The following FAAP100 variants were observed in gnomAD, a reference collection of about 807,000 sequenced individuals.
The protein encoded by FAAP100 is Fanconi anemia core complex-associated protein 100.
In FAAP100, 46 loss-of-function variants were observed where a neutral mutation model predicts 65.8. That is an observed-to-expected ratio of 0.70 (90% CI 0.55 to 0.89). The LOEUF is 0.89. FAAP100 is among the 40% of genes least tolerant of loss of function. The pLI, the probability that FAAP100 is intolerant of heterozygous loss-of-function variation, is 0.00. For synonymous variants in FAAP100, 663 were observed against 555.1 expected, an observed-to-expected ratio of 1.19 and a Z score of -2.73; for missense variants, 1,165 against 1,196.7, an observed-to-expected ratio of 0.97 and a Z score of 0.39.
intron 7 of FAAP100, among the ~76,000 whole-genome samples, chr17:81,542,180 AAAAAAAAAAAAAAAAAAAAAATATATAT>A (rs1266362612): frequency 1.5e-4 from 4 of 26,862 alleles, no homozygotes; most frequent in Admixed American, 1.2e-3. Flanking sequence ...AAAAAAAAAA[AAAAAAAAAAAAAAAAAAAAAATATATAT>A]ATATATATAT....
At chr17:81,544,223 T>C in intron 6 of FAAP100, 103 bp from the exon 7 acceptor site, 3 of 915,162 alleles carry the variant, frequency 3.3e-6, no homozygotes, top group Non-Finnish European at 5.2e-6. Context: ...CGTGAGGCCC[T>C]GAGATGGTCC....
At position 81,547,980 on chromosome 17, in the gene FAAP100, G is replaced by A. The variant is rs150992130; in HGVS notation, c.1404-302C>T. 3.3e-3 allele frequency: 2,346 copies of A among 703,062 alleles called. 10 individuals are homozygous for A. The highest frequency in any genetic ancestry group is 4.6e-3 in the Non-Finnish European group (1,760 of 385,206). 43.6% of individuals were successfully genotyped at this position (703,062 alleles called of 1,614,324 possible). On this transcript the variant is annotated intron_variant, in intron 4 of 8. Coordinates refer to ENST00000327787, the MANE Select transcript of FAAP100 (RefSeq NM_025161.6). ...GGACCTAGGCTAATCTGCCAGGTAT[G>A]AGAAGCGCACCACCCACATCTGGGC...
intron 4 of FAAP100, chr17:81,548,029 T>C (rs1211224624): frequency 4.3e-6 from 3 of 690,552 alleles, no homozygotes; most frequent in South Asian, 3.0e-5. Flanking sequence ...GGTGGTGCAT[T>C]ACCCCACCCT....
intron 6 of FAAP100, among the ~76,000 whole-genome samples, chr17:81,544,699 C>A (rs529958142): frequency 6.6e-6 from 1 of 152,344 alleles, no homozygotes; most frequent in East Asian, 1.9e-4. Flanking sequence ...GCACACACAG[C>A]ACAAGAGGTG....
intron 3 of FAAP100, 35 bp from the exon 4 acceptor site, chr17:81,549,397 C>G: frequency 2.5e-6 from 4 of 1,577,768 alleles, no homozygotes; most frequent in Non-Finnish European, 3.4e-6. Flanking sequence ...TGGTCAGCGG[C>G]TGGGAGGGGC....
In FAAP100 at chr17:81,547,221, C is replaced by T; in HGVS notation, c.1861G>A (p.Asp621Asn). The part of the protein sequence containing the change: ...GGALAPSDSE[D>N]PFLDECPSDV... ...GAGGGGCACTCATCCAGAAAGGGGT[C>T]CTCAGAGTCTGAGGGGGCAAGGGCC... The change falls in exon 5 of 9, where the codon GAC becomes AAC. Residue 621 changes from aspartate (D) to asparagine (N), a missense_variant. By Grantham distance (23) the Asp-to-Asn change is conservative. Transcript: ENST00000327787. 1 of 1,573,760 alleles carries T rather than the reference C, an allele frequency of 6.4e-7. No individual in the cohort carries two copies. Among genetic ancestry groups the T allele is most frequent in the Non-Finnish European group, 8.6e-7 (1 of 1,157,226 alleles).
Position 81,540,074 on chromosome 17 carries a change from C to G in FAAP100, c.*745G>C, listed in dbSNP as rs969623726. 3 of 340,898 alleles carry G rather than the reference C, an allele frequency of 8.8e-6. No homozygotes were observed. The highest frequency in any genetic ancestry group is 1.9e-4 in the South Asian group (1 of 5,404). The allele number at this position is 340,898 out of a possible 1,614,324, so 21.1% of individuals were successfully genotyped here. A position where few individuals can be genotyped will look rare whatever the true frequency, so the allele number is the denominator to read the frequency against. ...GAGGCTGGGGGCTGGGGCTCAGGGC[C>G]CCCCCCCGGGCCACAGCGCCACCCT... On this transcript the variant is annotated 3_prime_UTR_variant, in exon 9 of 9. Coordinates refer to ENST00000327787, the MANE Select transcript of FAAP100 (RefSeq NM_025161.6).
rs1266513988 is a variant in FAAP100, at chr17:81,540,912, G to C, written c.2553C>G (p.Leu851=). The C allele has an allele frequency of 3.1e-6, 5 of 1,591,898 alleles. No individual in the cohort carries two copies. The highest frequency in any genetic ancestry group is 1.3e-5 in the African/African-American group (1 of 74,730). Residue 851 remains leucine (L), a synonymous_variant, in exon 9 of 9, where the codon CTC becomes CTG. Transcript: ENST00000327787. ...AGGAGCTGGCCTCATCCTCCGTGCA[G>C]AGCCGGTCGCGCAGGGTCTGCACCT... ...LREVQTLRDR[L]CTEDEASSCA...
intron 2 of FAAP100, chr17:81,551,633 C>T (rs1158139475): frequency 2.5e-6 from 3 of 1,223,790 alleles, no homozygotes; most frequent in African/African-American, 1.6e-5. Context: ...AAAGACCCAA[C>T]CTCGGGGGCG....
chr17:81,550,779 G>A lies in FAAP100; in HGVS notation c.715C>T (p.Pro239Ser), dbSNP rs1417642936. 1.9e-6 allele frequency: 3 copies of A among 1,612,654 alleles called. No homozygotes were observed. Among genetic ancestry groups the A allele is most frequent in the Non-Finnish European group, 2.5e-6 (3 of 1,179,896 alleles). ...TCAGGGAGACCACAGAGGACCACAG[G>A]TGACTGCAGGAGGGTGGCATCAGCT... ...FGADATLLQS[P>S]VVLCGLPDGQ... The change falls in exon 3 of 9, where the codon CCT becomes TCT. Residue 239 changes from proline (P) to serine (S), a missense_variant. Pro to Ser is a moderately conservative substitution (Grantham distance 74). Coordinates refer to ENST00000327787, the MANE Select transcript of FAAP100 (RefSeq NM_025161.6).
At chr17:81,544,700 A>C (rs1281262922) in intron 6 of FAAP100, among the ~76,000 whole-genome samples, 1 of 152,220 alleles carries the variant, frequency 6.6e-6, no homozygotes, top group Non-Finnish European at 1.5e-5. Flanking sequence ...CACACACAGC[A>C]CAAGAGGTGA....
chr17:81,544,183 G>A, intron 6 of FAAP100, 63 bp from the exon 7 acceptor site: 2 of 1,380,490 alleles, frequency 1.4e-6, no homozygotes, highest in East Asian at 2.3e-5. Flanking sequence ...GGGGGCTCAG[G>A]CTACACAGGA....
In FAAP100 at chr17:81,540,186, G is replaced by C. The variant is rs755052620; in HGVS notation, c.*633C>G. 5.5e-5 allele frequency: 22 copies of C among 399,042 alleles called. No individual in the cohort carries two copies. The highest frequency in any genetic ancestry group is 1.3e-4 in the Admixed American group (3 of 22,750). The allele number at this position is 399,042 out of a possible 1,614,324, so 24.7% of individuals were successfully genotyped here. ...TGAGCATTCCGGCCACAGGCCACCCGCTGGCCCTTCCTTGGTGTGGCACGA... is the reference window on the plus strand; with the variant it reads ...TGAGCATTCCGGCCACAGGCCACCCCCTGGCCCTTCCTTGGTGTGGCACGA... On this transcript the variant is annotated 3_prime_UTR_variant, in exon 9 of 9. Transcript: ENST00000327787.
At chr17:81,549,996 G>A (rs961556087) in intron 3 of FAAP100, among the ~76,000 whole-genome samples, 12 of 152,178 alleles carry the variant, frequency 7.9e-5, no homozygotes, top group Admixed American at 2.6e-4. Flanking sequence ...TCCACAGCCA[G>A]CAAGCAGCAA....
chr17:81,541,263 C>T lies in FAAP100; in HGVS notation c.2514+46G>A, dbSNP rs762099126. ...GAGGGGGGCCTGGCGATGGGCGCTCCTGGCTACCCAGGGGAAGGGGACTGC... is the reference window on the plus strand; with the variant it reads ...GAGGGGGGCCTGGCGATGGGCGCTCTTGGCTACCCAGGGGAAGGGGACTGC... On this transcript the variant is annotated intron_variant, in intron 8 of 8. Coordinates refer to ENST00000327787, the MANE Select transcript of FAAP100 (RefSeq NM_025161.6). The T allele has an allele frequency of 5.1e-6, 8 of 1,556,708 alleles. No homozygotes were observed. In the South Asian group the frequency reaches 9.1e-5, roughly 18 times the overall value.
chr17:81,543,371 T>C (rs140807497), intron 7 of FAAP100, among the ~76,000 whole-genome samples: 11 of 152,220 alleles, frequency 7.2e-5, no homozygotes, highest in East Asian at 1.9e-4. Flanking sequence ...AGACCCACCA[T>C]ATGGGCCAAA....
At chr17:81,552,455 G>T, upstream of FAAP100, 1 of 972,294 alleles carries the variant, frequency 1.0e-6, no homozygotes, top group South Asian at 4.7e-5. Context: ...GGTGCCGGGG[G>T]CGGGCCGGAA....
intron 8 of FAAP100, 80 bp downstream of exon 8, chr17:81,541,229 G>C (rs543896583): frequency 1.9e-5 from 27 of 1,442,278 alleles, no homozygotes; most frequent in Non-Finnish European, 2.5e-5. Context: ...TGCGGACCCC[G>C]AGTGACTAGA....
chr17:81,542,150 G>A (rs2033121111), intron 7 of FAAP100, among the ~76,000 whole-genome samples: 1 of 110,682 alleles, frequency 9.0e-6, no homozygotes. Flanking sequence ...CTGGGCGACA[G>A]AGTGAGACTC....
Sources: gnomAD v4.1 joint callset for allele counts (sites outside exome capture counted in the v4.1 genomes callset) on GRCh38, gnomAD v4.1.1 for gene constraint, MANE v1.5 for transcripts, NCBI Gene and HGNC (gene_info 2026-07-23, HGNC 2026-07-21) for gene names.